CCSER1: variants seen among roughly 807,000 people sequenced by gnomAD.
CCSER1 encodes the protein coiled-coil serine rich protein 1.
CCSER1 carries 41 observed loss-of-function variants against 82.0 expected under a neutral mutation model. That is an observed-to-expected ratio of 0.50 (90% CI 0.39 to 0.65). The LOEUF is 0.65. Among genes scored for constraint, CCSER1 ranks in the 30% least tolerant of loss-of-function variants. The pLI, the probability that CCSER1 is intolerant of heterozygous loss-of-function variation, is 0.00. For missense variants in CCSER1, 1,119 were observed against 1,064.2 expected, an observed-to-expected ratio of 1.05 and a Z score of -0.72; for synonymous variants, 414 against 383.9, an observed-to-expected ratio of 1.08 and a Z score of -0.92.
At chr4:91,317,603 C>CGTGTGTGTGTGTGTGT (rs901591752) in intron 10 of CCSER1, among the ~76,000 whole-genome samples, 2 of 148,446 alleles carry the variant, frequency 1.3e-5, no homozygotes, top group South Asian at 2.1e-4. Context: ...TGTGTGTGTG[C>CGTGTGTGTGTGTGTGT]GTGTGTGTGT....
chr4:90,202,052 TATTA>T (rs1737806997), intron 1 of CCSER1, among the ~76,000 whole-genome samples: 1 of 152,148 alleles, frequency 6.6e-6, no homozygotes, highest in Non-Finnish European at 1.5e-5. Flanking sequence ...TCCAAAGAGG[TATTA>T]ATTAAGTATA....
At chr4:91,439,765 G>A (rs376454229) in intron 10 of CCSER1, among the ~76,000 whole-genome samples, 1 of 152,008 alleles carries the variant, frequency 6.6e-6, no homozygotes, top group Non-Finnish European at 1.5e-5. Context: ...AAGGATGGAG[G>A]AAGATCTACC....
intron 10 of CCSER1, among the ~76,000 whole-genome samples, chr4:91,384,872 C>T (rs368198692): frequency 4.6e-5 from 7 of 151,976 alleles, no homozygotes; most frequent in East Asian, 1.9e-4. Context: ...ATGAGAAAAA[C>T]GGAAAAGCAA....
At chr4:90,833,404 A>G (rs930744786) in intron 8 of CCSER1, among the ~76,000 whole-genome samples, 4 of 152,188 alleles carry the variant, frequency 2.6e-5, no homozygotes, top group African/African-American at 9.6e-5. Flanking sequence ...CAGACATTCA[A>G]ACCATAGCAG....
rs1743436851 is a variant in CCSER1 at position 91,288,081 on chromosome 4, C to CATATATATATAGGATATATATATAGGAT, written c.2217+202099_2217+202126dup. ...TTTAGGATATATATATATATACACT[C>CATATATATATAGGATATATATATAGGAT]ATATATATATAGGATATATATATAG... On this transcript the variant is annotated intron_variant, in intron 10 of 10. Coordinates refer to ENST00000509176, the MANE Select transcript of CCSER1 (RefSeq NM_001145065.2). Among the ~76,000 whole-genome samples, 17 of 147,432 alleles carry CATATATATATAGGATATATATATAGGAT rather than the reference C, an allele frequency of 1.2e-4. No homozygotes were observed. The Admixed American group carries it at 1.2e-3, about 10-fold the overall frequency.
chr4:91,221,893 T>C (rs1022808198), intron 10 of CCSER1, among the ~76,000 whole-genome samples: 1 of 152,064 alleles, frequency 6.6e-6, no homozygotes, highest in Non-Finnish European at 1.5e-5. Context: ...GAGCAAATTA[T>C]GGCAAAAACA....
At position 91,474,403 on chromosome 4, in the gene CCSER1, A is replaced by G. The variant is rs535104795; in HGVS notation, c.2218-124169A>G. 1.8e-3 allele frequency among the ~76,000 whole-genome samples: 272 copies of G among 151,914 alleles called. 1 individual carries two copies. Among genetic ancestry groups the G allele is most frequent in the African/African-American group, 6.2e-3 (258 of 41,508 alleles). ...TAATTACATATATAATCACACATTT[A>G]ATAAATATGTATAATATCTTATTCT... is the stretch of plus-strand genomic sequence containing the variant. On this transcript the variant is annotated intron_variant, in intron 10 of 10. Coordinates refer to ENST00000509176, the MANE Select transcript of CCSER1 (RefSeq NM_001145065.2).
chr4:90,585,267 C>T (rs182624345), intron 5 of CCSER1, among the ~76,000 whole-genome samples: 3 of 152,140 alleles, frequency 2.0e-5, no homozygotes, highest in East Asian at 1.9e-4. Flanking sequence ...TCCTGGCTGG[C>T]GAAAACGTAA....
chr4:90,277,722 A>C (rs565984073), intron 1 of CCSER1, among the ~76,000 whole-genome samples: 1 of 152,108 alleles, frequency 6.6e-6, no homozygotes, highest in East Asian at 1.9e-4. Context: ...AAAATAAAAA[A>C]AAATCCTAGA....
chr4:90,352,300 G>A (rs910034483), intron 3 of CCSER1, among the ~76,000 whole-genome samples: 13 of 151,818 alleles, frequency 8.6e-5, no homozygotes, highest in Non-Finnish European at 1.5e-4. Context: ...CTCCAGCCTG[G>A]GCGACAGACC....
chr4:90,640,403 G>T (rs1469544502), intron 6 of CCSER1, among the ~76,000 whole-genome samples: 1 of 152,014 alleles, frequency 6.6e-6, no homozygotes, highest in Admixed American at 6.6e-5. Flanking sequence ...ATTTTATTAG[G>T]TTAATCAAGA....
In CCSER1 at chr4:91,523,648, T is replaced by C. The variant is rs577736736; in HGVS notation, c.2218-74924T>C. On this transcript the variant is annotated intron_variant, in intron 10 of 10. Coordinates refer to ENST00000509176, the MANE Select transcript of CCSER1 (RefSeq NM_001145065.2). ...ATTTATCCTTTTCTTTTAGATTTTC[T>C]AGTTTATTTGCGTAGAGGTGTTTCT... 2.0e-5 allele frequency among the ~76,000 whole-genome samples: 3 copies of C among 152,334 alleles called. No individual in the cohort carries two copies. In the South Asian group the frequency reaches 6.2e-4, roughly 32 times the overall value.
At chr4:90,846,217 G>T (rs556388924) in intron 8 of CCSER1, among the ~76,000 whole-genome samples, 1 of 152,274 alleles carries the variant, frequency 6.6e-6, no homozygotes, top group East Asian at 1.9e-4. Context: ...ACTATAAATA[G>T]AGATATGTGT....
At chr4:90,254,990 C>T (rs1470844992) in intron 1 of CCSER1, among the ~76,000 whole-genome samples, 1 of 151,352 alleles carries the variant, frequency 6.6e-6, no homozygotes, top group Non-Finnish European at 1.5e-5. Context: ...CACACACACA[C>T]ACACACACAC....
rs577880745 is a variant in CCSER1, at chr4:90,785,591, C to T, written c.2011-30171C>T. Among the ~76,000 whole-genome samples, 40 of 152,212 alleles carry T rather than the reference C, an allele frequency of 2.6e-4. No individual in the cohort carries two copies. In the South Asian group the frequency reaches 3.3e-3, roughly 13 times the overall value. On this transcript the variant is annotated intron_variant, in intron 7 of 10. Transcript: ENST00000509176. ...TTCTGAAAAATACAGTTTCTATGTTCGAGCAAAATAATTTGACAATTATTG... is the reference window on the plus strand; with the variant it reads ...TTCTGAAAAATACAGTTTCTATGTTTGAGCAAAATAATTTGACAATTATTG...
At chr4:90,551,706 C>CTCTCTCTCTCTCTCTCTCTCTCTATA in intron 5 of CCSER1, among the ~76,000 whole-genome samples, 1 of 104,236 alleles carries the variant, frequency 9.6e-6, no homozygotes. Context: ...CTCTCTCTCT[C>CTCTCTCTCTCTCTCTCTCTCTCTATA]TATATATATA....
chr4:90,902,140 T>A (rs892239953), intron 8 of CCSER1, among the ~76,000 whole-genome samples: 1 of 151,926 alleles, frequency 6.6e-6, no homozygotes, highest in East Asian at 1.9e-4. Flanking sequence ...AGTTCTATTT[T>A]TTTTATTTTG....
At chr4:90,214,780 A>G (rs1740713490) in intron 1 of CCSER1, among the ~76,000 whole-genome samples, 1 of 152,200 alleles carries the variant, frequency 6.6e-6, no homozygotes, top group African/African-American at 2.4e-5. Flanking sequence ...ATAAATGAAG[A>G]AGCTGAGGTC....
chr4:90,140,172 TA>T (rs1724476118), intron 1 of CCSER1, among the ~76,000 whole-genome samples: 1 of 152,200 alleles, frequency 6.6e-6, no homozygotes, highest in Admixed American at 6.5e-5. Flanking sequence ...ATATACATAA[TA>T]AAAACTATGT....
Sources: gnomAD v4.1 joint callset for allele counts (sites outside exome capture counted in the v4.1 genomes callset) on GRCh38, gnomAD v4.1.1 for gene constraint, MANE v1.5 for transcripts, NCBI Gene and HGNC (gene_info 2026-07-23, HGNC 2026-07-21) for gene names.